Variants in KHDRBS2 observed in about 807,000 individuals in gnomAD.
KHDRBS2 encodes the protein KH RNA binding domain containing, signal transduction associated 2, also known as KH domain-containing, RNA-binding, signal transduction-associated protein 2.
KHDRBS2 carries 26 observed loss-of-function variants against 44.3 expected under a neutral mutation model. That is an observed-to-expected ratio of 0.59 (90% CI 0.43 to 0.81). KHDRBS2 has a LOEUF of 0.81. KHDRBS2 is among the 40% of genes least tolerant of loss of function. The pLI, the probability that KHDRBS2 is intolerant of heterozygous loss-of-function variation, is 0.00. For missense variants in KHDRBS2, 476 were observed against 433.1 expected (o/e 1.10, Z -0.88); for synonymous variants, 194 against 151.1 (o/e 1.28, Z -2.08).
the KHDRBS2 span, among the ~76,000 whole-genome samples, chr6:61,570,350 T>C: frequency 2.6e-5 from 4 of 152,032 alleles, no homozygotes; most frequent in African/African-American, 7.2e-5. Context: ...GTTTTTAAAT[T>C]AAGCCAGTCA....
chr6:61,579,518 A>C, the KHDRBS2 span, among the ~76,000 whole-genome samples: 457 of 152,288 alleles, frequency 3.0e-3, 4 homozygotes, highest in African/African-American at 0.011. Context: ...TCAGTAATGC[A>C]GAAGAGATAG....
chr6:61,544,497 G>T, the KHDRBS2 span, among the ~76,000 whole-genome samples: 14 of 151,976 alleles, frequency 9.2e-5, no homozygotes, highest in Non-Finnish European at 1.8e-4. Context: ...AAATAATAAA[G>T]GGCAAAGCAA....
At chr6:62,194,335 C>T (rs1447947042) in intron 1 of KHDRBS2, among the ~76,000 whole-genome samples, 1 of 151,834 alleles carries the variant, frequency 6.6e-6, no homozygotes, top group Non-Finnish European at 1.5e-5. Flanking sequence ...TTTTTTTCCA[C>T]ATTGAATGCT....
the KHDRBS2 span, among the ~76,000 whole-genome samples, chr6:61,550,172 A>T: frequency 6.6e-6 from 1 of 152,106 alleles, no homozygotes; most frequent in African/African-American, 2.4e-5. Context: ...AGTACTCGAT[A>T]GGTAGTTTTT....
chr6:61,714,196 A>T (rs558613117), intron 7 of KHDRBS2, among the ~76,000 whole-genome samples: 1 of 151,742 alleles, frequency 6.6e-6, no homozygotes, highest in Non-Finnish European at 1.5e-5. Flanking sequence ...ACAACTCAAC[A>T]TAACAACAAC....
At chr6:61,561,204 C>T in the KHDRBS2 span, among the ~76,000 whole-genome samples, 3,713 of 152,042 alleles carry the variant, frequency 0.024, 70 homozygotes, top group Middle Eastern at 0.085. Flanking sequence ...TCTCTCTCTC[C>T]TTCTCTGTTT....
intron 6 of KHDRBS2, among the ~76,000 whole-genome samples, chr6:61,836,741 C>A (rs568528815): frequency 1.9e-5 from 2 of 103,736 alleles, no homozygotes; most frequent in South Asian, 6.6e-4. Context: ...TAGTGTTACA[C>A]CTATTAGGTA....
intron 6 of KHDRBS2, among the ~76,000 whole-genome samples, chr6:61,835,425 C>T (rs1309707504): frequency 2.6e-5 from 4 of 151,964 alleles, no homozygotes; most frequent in Non-Finnish European, 4.4e-5. Flanking sequence ...TCAATCATAG[C>T]GTTTCATTTC....
At chr6:62,048,559 T>C (rs1022335001) in intron 2 of KHDRBS2, among the ~76,000 whole-genome samples, 2 of 151,914 alleles carry the variant, frequency 1.3e-5, no homozygotes, top group Non-Finnish European at 2.9e-5. Context: ...TATTGTTCAA[T>C]CTTACATTGT....
At chr6:62,057,404 A>C (rs1317943890) in intron 2 of KHDRBS2, among the ~76,000 whole-genome samples, 3 of 151,954 alleles carry the variant, frequency 2.0e-5, no homozygotes, top group Admixed American at 6.6e-5. Flanking sequence ...TGCTGTTCTT[A>C]GTTCTTGGAA....
intron 3 of KHDRBS2, among the ~76,000 whole-genome samples, chr6:62,001,351 A>AT (rs1778206323): frequency 6.6e-6 from 1 of 152,024 alleles, no homozygotes; most frequent in African/African-American, 2.4e-5. Context: ...TTGTGGGTGT[A>AT]TGACGTAAAA....
chr6:62,191,800 A>G (rs1249179217), intron 1 of KHDRBS2, among the ~76,000 whole-genome samples: 1 of 152,144 alleles, frequency 6.6e-6, no homozygotes, highest in Non-Finnish European at 1.5e-5. Context: ...TTTAAAATTC[A>G]TATTTATTTC....
At position 62,286,074 on chromosome 6, in the gene KHDRBS2, G is replaced by T. The variant is rs1022247458; in HGVS notation, c.-126C>A. 5 of 683,668 alleles carry T rather than the reference G, an allele frequency of 7.3e-6. No homozygotes were observed. In the African/African-American group the frequency reaches 9.0e-5, roughly 12 times the overall value. The allele number at this position is 683,668 out of a possible 1,614,324, so 42.4% of individuals were successfully genotyped here. The stretch of plus-strand genomic sequence containing the variant: ...TCCGCGCGGCGAGGGATCTCTGTGC[G>T]TCCTCACTGGCCCATGCACCCAGCA... On this transcript the variant is annotated 5_prime_UTR_variant, in exon 1 of 9. Coordinates refer to ENST00000281156, the MANE Select transcript of KHDRBS2 (RefSeq NM_152688.4).
At chr6:61,581,521 A>C in the KHDRBS2 span, among the ~76,000 whole-genome samples, 1 of 148,752 alleles carries the variant, frequency 6.7e-6, no homozygotes, top group Non-Finnish European at 1.5e-5. Context: ...TGTATATATA[A>C]TATAGATTAT....
chr6:61,978,582 T>G (rs1161322235), intron 3 of KHDRBS2, among the ~76,000 whole-genome samples: 1 of 152,074 alleles, frequency 6.6e-6, no homozygotes, highest in African/African-American at 2.4e-5. Flanking sequence ...ATTTTGCAGA[T>G]GGTAAGTGAA....
the KHDRBS2 span, among the ~76,000 whole-genome samples, chr6:61,630,826 T>C: frequency 6.6e-6 from 1 of 151,720 alleles, no homozygotes; most frequent in Non-Finnish European, 1.5e-5. Flanking sequence ...CATTTTGGAG[T>C]TTGGTGTATA....
intron 6 of KHDRBS2, among the ~76,000 whole-genome samples, chr6:61,806,779 A>C (rs1787235289): frequency 6.6e-6 from 1 of 152,070 alleles, no homozygotes; most frequent in South Asian, 2.1e-4. Context: ...ATACTGGCTA[A>C]ATTTTACAAG....
At chr6:62,232,952 C>T (rs1275068505) in intron 1 of KHDRBS2, among the ~76,000 whole-genome samples, 1 of 152,184 alleles carries the variant, frequency 6.6e-6, no homozygotes, top group Non-Finnish European at 1.5e-5. Context: ...GTAGCACTTA[C>T]AGTCACAGCT....
intron 1 of KHDRBS2, among the ~76,000 whole-genome samples, chr6:62,189,611 A>C (rs1824182300): frequency 6.6e-6 from 1 of 152,136 alleles, no homozygotes; most frequent in South Asian, 2.1e-4. Context: ...CAGGAAGATC[A>C]GTTGTGAGGC....
Sources: allele counts gnomAD v4.1 joint callset (sites outside exome capture counted in the v4.1 genomes callset), GRCh38; gene constraint gnomAD v4.1.1; transcripts MANE v1.5; gene names NCBI Gene and HGNC (gene_info 2026-07-23, HGNC 2026-07-21).